Variants in GMCL1 observed in about 807,000 individuals in gnomAD.
The protein encoded by GMCL1 is germ cell-less protein-like 1.
In GMCL1, 54 loss-of-function variants were observed where a neutral mutation model predicts 75.5. The observed-to-expected ratio is 0.71, with a 90% CI of 0.57 to 0.90. GMCL1 has a LOEUF of 0.90. Among genes scored for constraint, GMCL1 ranks in the 40% least tolerant of loss-of-function variants. The pLI is 0.00. For missense variants in GMCL1, 537 were observed against 622.7 expected (o/e 0.86, Z 1.47); for synonymous variants, 210 against 209.6 (o/e 1.00, Z -0.02).
Position 69,871,685 on chromosome 2 carries a change from C to G in GMCL1, c.1365-60C>G, listed in dbSNP as rs1675983969. 8 of 844,708 alleles carry G rather than the reference C, an allele frequency of 9.5e-6. No homozygotes were observed. The South Asian group carries it at 1.3e-4, about 14-fold the overall frequency. The allele number at this position is 844,708 out of a possible 1,614,324, so 52.3% of individuals were successfully genotyped here. The stretch of plus-strand genomic sequence containing the variant: ...AAGTAAATATGAAAGTAAGGAAGAG[C>G]TTGTTTAATCTGTGGTTTAAAAATC... On this transcript the variant is annotated intron_variant, in intron 12 of 13. Coordinates refer to ENST00000282570, the MANE Select transcript of GMCL1 (RefSeq NM_178439.5).
At chr2:69,848,836 C>T (rs1675227402) in intron 7 of GMCL1, among the ~76,000 whole-genome samples, 2 of 152,054 alleles carry the variant, frequency 1.3e-5, no homozygotes, top group Admixed American at 6.6e-5. Context: ...GAAATTAAGG[C>T]CCAGAGATAC....
At chr2:69,852,292 TTC>T (rs1201237253) in intron 8 of GMCL1, among the ~76,000 whole-genome samples, 1 of 152,212 alleles carries the variant, frequency 6.6e-6, no homozygotes, top group African/African-American at 2.4e-5. Context: ...TGTGGTCCAC[TTC>T]TGGATTCCCA....
Position 69,879,262 on chromosome 2 carries a change from C to T in GMCL1, c.*258C>T. On this transcript the variant is annotated 3_prime_UTR_variant, in exon 14 of 14. Transcript: ENST00000282570. ...ATCTGTCAAACCATTTCTGTTAGAA[C>T]GATGTCAATTCATGCTTTTAATTTA... is the stretch of plus-strand genomic sequence containing the variant. 4.1e-6 allele frequency: 1 copy of T among 245,872 alleles called. No homozygotes were observed. The highest frequency in any genetic ancestry group is 8.4e-5 in the East Asian group (1 of 11,880). The allele number at this position is 245,872 out of a possible 1,614,324, so 15.2% of individuals were successfully genotyped here. A position where few individuals can be genotyped will look rare whatever the true frequency, so the allele number is the denominator to read the frequency against.
intron 8 of GMCL1, among the ~76,000 whole-genome samples, chr2:69,852,066 TAGGGGAAAGC>T (rs1296019216): frequency 6.6e-6 from 1 of 152,060 alleles, no homozygotes; most frequent in African/African-American, 2.4e-5. Context: ...AGGAGAAAAG[TAGGGGAAAGC>T]ATTTAAATAG....
intron 10 of GMCL1, 115 bp from the exon 11 acceptor site, chr2:69,864,785 A>G (rs530992420): frequency 3.0e-6 from 2 of 677,662 alleles, no homozygotes; most frequent in South Asian, 2.0e-5. Context: ...TATCTGTACC[A>G]CAAAAACTTA....
At chr2:69,854,345 T>C (rs1250494933) in intron 8 of GMCL1, among the ~76,000 whole-genome samples, 6 of 152,170 alleles carry the variant, frequency 3.9e-5, no homozygotes, top group Admixed American at 3.3e-4. Context: ...TGTATTTCAA[T>C]AGAGAATTAA....
chr2:69,854,735 A>G (rs1186683595), intron 8 of GMCL1, 88 bp from the exon 9 acceptor site: 7 of 1,015,860 alleles, frequency 6.9e-6, no homozygotes, highest in Admixed American at 4.9e-5. Flanking sequence ...TCTAATAGAC[A>G]TGAATGTACG....
At chr2:69,854,709 C>T in intron 8 of GMCL1, 114 bp from the exon 9 acceptor site, 1 of 772,016 alleles carries the variant, frequency 1.3e-6, no homozygotes, top group Non-Finnish European at 2.0e-6. Context: ...AACTTTAAAA[C>T]TAGCTTATTT....
At chr2:69,847,156 G>A (rs10206771) in intron 6 of GMCL1, among the ~76,000 whole-genome samples, 10 of 151,874 alleles carry the variant, frequency 6.6e-5, no homozygotes, top group Non-Finnish European at 1.3e-4. Flanking sequence ...AAAACAAAAC[G>A]TAGAAGTGGA....
At chr2:69,866,645 G>T (rs1310697648) in intron 11 of GMCL1, among the ~76,000 whole-genome samples, 3 of 152,002 alleles carry the variant, frequency 2.0e-5, no homozygotes, top group Non-Finnish European at 4.4e-5. Context: ...TTTACTTTTT[G>T]TAGAGTTGGG....
Position 69,879,181 on chromosome 2 carries a change from T to C in GMCL1, c.*177T>C, listed in dbSNP as rs1676210858. 1 of 496,418 alleles carries C rather than the reference T, an allele frequency of 2.0e-6. No individual in the cohort carries two copies. The highest frequency in any genetic ancestry group is 3.6e-6 in the Non-Finnish European group (1 of 278,900). The allele number at this position is 496,418 out of a possible 1,614,324, so 30.8% of individuals were successfully genotyped here. ...GTACAGACAATACAGAAGATTATTCTTATCCTCATTGCATTTCTATGCATA... is the reference window on the plus strand; with the variant it reads ...GTACAGACAATACAGAAGATTATTCCTATCCTCATTGCATTTCTATGCATA... On this transcript the variant is annotated 3_prime_UTR_variant, in exon 14 of 14. Transcript: ENST00000282570.
At chr2:69,865,064 C>A in intron 11 of GMCL1, 89 bp downstream of exon 11, 1 of 955,162 alleles carries the variant, frequency 1.0e-6, no homozygotes, top group Non-Finnish European at 1.7e-6. Flanking sequence ...TGACACCTGT[C>A]ATACCTCAGA....
At position 69,867,345 on chromosome 2, in the gene GMCL1, T is replaced by C. The variant is rs1297680846; in HGVS notation, c.1218+2370T>C. On this transcript the variant is annotated intron_variant, in intron 11 of 13. Transcript: ENST00000282570. The stretch of plus-strand genomic sequence containing the variant: ...TCCCCCATGCTCTTGTGCTCCACCC[T>C]ACCTCAGGCATCCATTCCTGTGAGC... 1.2e-4 allele frequency among the ~76,000 whole-genome samples: 19 copies of C among 152,236 alleles called. No homozygotes were observed. In the East Asian group the frequency reaches 3.7e-3, roughly 29 times the overall value.
At chr2:69,866,778 G>A (rs60207187) in intron 11 of GMCL1, among the ~76,000 whole-genome samples, 79,401 of 151,842 alleles carry the variant, frequency 0.52, 21,334 homozygotes, top group East Asian at 0.67. Flanking sequence ...GTTTGCCTTT[G>A]TATTATGATA....
At chr2:69,835,724 A>G (rs777993304) in intron 1 of GMCL1, among the ~76,000 whole-genome samples, 7 of 152,218 alleles carry the variant, frequency 4.6e-5, no homozygotes, top group African/African-American at 9.7e-5. Flanking sequence ...CAACCTAATG[A>G]TAGCAGATTG....
chr2:69,854,389 A>G (rs894732830), intron 8 of GMCL1, among the ~76,000 whole-genome samples: 3 of 152,212 alleles, frequency 2.0e-5, no homozygotes, highest in Non-Finnish European at 4.4e-5. Flanking sequence ...TGTAGCTGAA[A>G]TGTAAGTTAA....
chr2:69,834,116 T>C (rs1674750995), intron 1 of GMCL1, among the ~76,000 whole-genome samples: 1 of 152,216 alleles, frequency 6.6e-6, no homozygotes, highest in South Asian at 2.1e-4. Flanking sequence ...CCTTTTTTTG[T>C]ATTGCTTTTT....
intron 10 of GMCL1, 31 bp downstream of exon 10, chr2:69,861,378 TAAA>T (rs752128390): frequency 7.0e-7 from 1 of 1,422,692 alleles, no homozygotes; most frequent in South Asian, 1.3e-5. Flanking sequence ...CATTTTTCAT[TAAA>T]AAAATTTGCT....
intron 3 of GMCL1, among the ~76,000 whole-genome samples, 192 bp downstream of exon 3, chr2:69,839,745 A>G (rs1232541495): frequency 6.6e-6 from 1 of 152,022 alleles, no homozygotes; most frequent in East Asian, 1.9e-4. Flanking sequence ...CTGTTTTGTC[A>G]TTTGGGCCTT....
Sources: allele counts gnomAD v4.1 joint callset (sites outside exome capture counted in the v4.1 genomes callset), GRCh38; gene constraint gnomAD v4.1.1; transcripts MANE v1.5; gene names NCBI Gene and HGNC (gene_info 2026-07-23, HGNC 2026-07-21).